Variants in COL15A1 observed in about 807,000 individuals in gnomAD.
The protein encoded by COL15A1 is collagen alpha-1(XV) chain.
Under a neutral mutation model 165.9 loss-of-function variants are expected in COL15A1, and 111 were observed. The observed-to-expected ratio is 0.67, with a 90% CI of 0.57 to 0.78. COL15A1 has a LOEUF of 0.78. Ranked by LOEUF, COL15A1 falls within the 30% of genes least tolerant of loss-of-function variation. The pLI is 0.00. For synonymous variants in COL15A1, 659 were observed against 674.8 expected (o/e 0.98, Z 0.36); for missense variants, 1,745 against 1,789.7 (o/e 0.98, Z 0.45).
chr9:99,005,471 C>T (rs1179017438), intron 9 of COL15A1, among the ~76,000 whole-genome samples: 1 of 152,140 alleles, frequency 6.6e-6, no homozygotes, highest in Non-Finnish European at 1.5e-5. Flanking sequence ...CTGTCCAGCT[C>T]CTGAAGGCAG....
chr9:98,979,923 C>T (rs113103440), intron 2 of COL15A1, among the ~76,000 whole-genome samples: 155 of 151,902 alleles, frequency 1.0e-3, no homozygotes, highest in Non-Finnish European at 2.0e-3. Flanking sequence ...TTTGGGAGGC[C>T]GAGGCAGGAG....
intron 3 of COL15A1, chr9:98,986,426 C>A (rs1293121727): frequency 3.9e-6 from 1 of 255,590 alleles, no homozygotes; most frequent in African/African-American, 2.3e-5. Flanking sequence ...TGTGAAAGCA[C>A]TTTGTACGTT....
At chr9:99,008,659 G>C (rs560317833) in intron 9 of COL15A1, among the ~76,000 whole-genome samples, 1 of 152,226 alleles carries the variant, frequency 6.6e-6, no homozygotes, top group East Asian at 1.9e-4. Flanking sequence ...TCCCAGGCTG[G>C]AATGCAGTGG....
intron 16 of COL15A1, among the ~76,000 whole-genome samples, chr9:99,027,555 C>A (rs1218319296): frequency 6.6e-6 from 1 of 152,046 alleles, no homozygotes; most frequent in Non-Finnish European, 1.5e-5. Flanking sequence ...CCCACCCACC[C>A]ACACACACCC....
At chr9:98,977,826 G>A (rs1390867673) in intron 2 of COL15A1, among the ~76,000 whole-genome samples, 1 of 152,222 alleles carries the variant, frequency 6.6e-6, no homozygotes, top group Non-Finnish European at 1.5e-5. Context: ...ATCCCCACAT[G>A]GGAAGTGGGC....
intron 19 of COL15A1, 123 bp downstream of exon 19, chr9:99,035,541 C>A: frequency 8.6e-7 from 1 of 1,167,576 alleles, no homozygotes. Context: ...GCCTCCAGCC[C>A]CCAACTGTGC....
In COL15A1 at chr9:99,016,056, C is replaced by T. The variant is rs1838929554; in HGVS notation, c.1584C>T (p.Ser528=). The change falls in exon 11 of 42, where the codon AGC becomes AGT. Residue 528 remains serine, a synonymous_variant. Transcript: ENST00000375001. The stretch of plus-strand genomic sequence containing the variant: ...CAGCTGGGGGTGAAGAGTCCGGCAG[C>T]CCTCCCCCTGATGGGCCACCGCTGC... ...LITAGGEESG[S]PPPDGPPLPL... The T allele has an allele frequency of 2.5e-6, 4 of 1,613,922 alleles. No homozygotes were observed. The highest frequency in any genetic ancestry group is 3.4e-6 in the Non-Finnish European group (4 of 1,179,858).
chr9:99,008,126 T>C (rs78259828), intron 9 of COL15A1, among the ~76,000 whole-genome samples: 3,040 of 152,332 alleles, frequency 0.02, 44 homozygotes, highest in Non-Finnish European at 0.03. Flanking sequence ...TCCTCTTTTT[T>C]TTTAATTGAC....
chr9:99,007,293 T>C (rs1257088387), intron 9 of COL15A1, among the ~76,000 whole-genome samples: 1 of 152,188 alleles, frequency 6.6e-6, no homozygotes, highest in East Asian at 1.9e-4. Flanking sequence ...TTTCTTATCT[T>C]AGTAGATACC....
chr9:99,038,957 C>T (rs570875038), intron 22 of COL15A1, among the ~76,000 whole-genome samples: 7 of 152,270 alleles, frequency 4.6e-5, no homozygotes, highest in East Asian at 1.9e-4. Context: ...TCCTGTGCAC[C>T]GGCAATATGT....
intron 2 of COL15A1, among the ~76,000 whole-genome samples, chr9:98,955,862 G>T (rs1393908331): frequency 6.6e-6 from 1 of 152,210 alleles, no homozygotes; most frequent in Non-Finnish European, 1.5e-5. Context: ...AATCTTAGTG[G>T]CTAGCTAGTT....
intron 32 of COL15A1, 98 bp from the exon 33 acceptor site, chr9:99,055,004 C>A: frequency 9.8e-7 from 1 of 1,021,552 alleles, no homozygotes; most frequent in Non-Finnish European, 1.5e-6. Flanking sequence ...TGCAGGCTCA[C>A]ATCCACTAAG....
chr9:98,985,114 A>G (rs1207459078), intron 2 of COL15A1, among the ~76,000 whole-genome samples: 5 of 150,342 alleles, frequency 3.3e-5, no homozygotes, highest in African/African-American at 7.4e-5. Flanking sequence ...TATAGTGGGG[A>G]AAAAAAAAAT....
chr9:99,027,986 G>A (rs887058563), intron 16 of COL15A1, among the ~76,000 whole-genome samples: 3 of 152,194 alleles, frequency 2.0e-5, no homozygotes, highest in Non-Finnish European at 2.9e-5. Flanking sequence ...CCAATGATTC[G>A]TTTGATCTTT....
intron 13 of COL15A1, among the ~76,000 whole-genome samples, chr9:99,022,408 A>G (rs140932889): frequency 2.0e-5 from 3 of 152,314 alleles, no homozygotes; most frequent in African/African-American, 7.2e-5. Context: ...CCCATGCCCC[A>G]GACCTGCTTC....
chr9:99,003,454 AT>A lies in COL15A1; in HGVS notation c.1070del (p.Leu357Ter). The A allele has an allele frequency of 6.7e-7, 1 of 1,503,630 alleles. No homozygotes were observed. The highest frequency in any genetic ancestry group is 8.9e-7 in the Non-Finnish European group (1 of 1,123,474). The allele number at this position is 1,503,630 out of a possible 1,614,324, so 93.1% of individuals were successfully genotyped here. ...GAFLDIAEEK[N>X]LAATAAGLAE... ...CTCTTGTGATGCCTTTGTTTTCAGA[AT>A]TTAGCAGCAACAGCAGCGGGGCTGG... On this transcript the variant is annotated frameshift_variant and splice_region_variant, in exon 8 of 42. Transcript: ENST00000375001. LOFTEE classifies it high-confidence loss of function.
chr9:98,968,922 T>C (rs920975175), intron 2 of COL15A1, among the ~76,000 whole-genome samples: 6 of 152,218 alleles, frequency 3.9e-5, no homozygotes, highest in African/African-American at 7.2e-5. Flanking sequence ...TAAGCTATAC[T>C]GGCTATGTTA....
intron 9 of COL15A1, among the ~76,000 whole-genome samples, chr9:99,012,934 G>A (rs559746368): frequency 2.7e-4 from 41 of 151,856 alleles, no homozygotes; most frequent in Non-Finnish European, 2.4e-4. Context: ...GGCTGGTCTC[G>A]AACTCCTGAC....
intron 35 of COL15A1, among the ~76,000 whole-genome samples, chr9:99,058,632 T>C (rs1039939708): frequency 3.3e-5 from 5 of 152,224 alleles, no homozygotes; most frequent in Admixed American, 3.3e-4. Flanking sequence ...TACAAAACAC[T>C]TTCATGGCCA....
Sources: allele counts gnomAD v4.1 joint callset (sites outside exome capture counted in the v4.1 genomes callset), GRCh38; gene constraint gnomAD v4.1.1; transcripts MANE v1.5; gene names NCBI Gene and HGNC (gene_info 2026-07-23, HGNC 2026-07-21).